The following CAMK2G variants were observed in gnomAD, a reference collection of about 807,000 sequenced individuals.
CAMK2G encodes calcium/calmodulin-dependent protein kinase type II subunit gamma.
CAMK2G carries 23 observed loss-of-function variants against 88.7 expected under a neutral mutation model. The observed-to-expected ratio is 0.26, with a 90% CI of 0.19 to 0.37. CAMK2G has a LOEUF of 0.37. CAMK2G is among the 10% of genes least tolerant of loss of function. The pLI is 1.00. For synonymous variants in CAMK2G, 263 were observed against 294.8 expected (o/e 0.89, Z 1.11); for missense variants, 476 against 780.8 (o/e 0.61, Z 4.65).
intron 2 of CAMK2G, among the ~76,000 whole-genome samples, chr10:73,871,929 A>T (rs1295140259): frequency 4.6e-5 from 7 of 152,184 alleles, no homozygotes; most frequent in African/African-American, 1.7e-4. Context: ...TATGTCTCTT[A>T]TCCCAGAGAA....
At position 73,858,649 on chromosome 10, in the gene CAMK2G, A is replaced by C. The variant is rs145689861; in HGVS notation, c.220+2181T>G. Among the ~76,000 whole-genome samples, 85 of 152,316 alleles carry C rather than the reference A, an allele frequency of 5.6e-4. 1 individual carries two copies. Among genetic ancestry groups the C allele is most frequent in the Non-Finnish European group, 8.2e-4 (56 of 68,026 alleles). ...TAGGAAATCAGAGGCCAAAAGAGTG[A>C]CTGTGCCCCACCTGGCCTCTGAGCA... On this transcript the variant is annotated intron_variant, in intron 3 of 22. Coordinates refer to ENST00000423381, the MANE Select transcript of CAMK2G (RefSeq NM_001367534.1).
Position 73,819,645 on chromosome 10 carries a change from G to A in CAMK2G, c.1250C>T (p.Ala417Val). ...NTTTEDEDLKAAPLRTGNGSS... is the reference protein window; with the variant it reads ...NTTTEDEDLKVAPLRTGNGSS... Reference sequence around the variant, plus strand: ...GCCATTCCCAGTGCGGAGCGGGGCAGCTAGCCAGCCAGGGCAGGGCAGGGC... The same window carrying A: ...GCCATTCCCAGTGCGGAGCGGGGCAACTAGCCAGCCAGGGCAGGGCAGGGC... The change falls in exon 19 of 23, where the codon GCT becomes GTT. Residue 417 changes from alanine (A) to valine (V), a missense_variant and splice_region_variant. Transcript: ENST00000423381. 6.5e-7 allele frequency: 1 copy of A among 1,536,438 alleles called. No homozygotes were observed.
At chr10:73,844,157 A>G (rs528203811) in intron 10 of CAMK2G, among the ~76,000 whole-genome samples, 80 of 152,204 alleles carry the variant, frequency 5.3e-4, no homozygotes, top group Non-Finnish European at 1.0e-3. Flanking sequence ...CAGTAGCACA[A>G]TAATGGCTTA....
rs2093902357 is a variant in CAMK2G, at chr10:73,842,741, C to T, written c.820-200G>A. On this transcript the variant is annotated intron_variant, in intron 10 of 22. Transcript: ENST00000423381. The surrounding 1 kb of genome is among the most constrained non-coding windows in gnomAD (Gnocchi z 4.6). The stretch of plus-strand genomic sequence containing the variant: ...GAAACTCAAGGTTACATAAGGACAA[C>T]ATGAACGTGAGAACACCATAACGGA... Among the ~76,000 whole-genome samples the T allele has an allele frequency of 6.6e-6, 1 of 152,196 alleles. No individual in the cohort carries two copies. The highest frequency in any genetic ancestry group is 6.5e-5 in the Admixed American group (1 of 15,278).
At chr10:73,829,700 G>GGTGTGTGTGTGTGTGTGTGTGTGT (rs60725888) in intron 14 of CAMK2G, among the ~76,000 whole-genome samples, 94 of 138,374 alleles carry the variant, frequency 6.8e-4, no homozygotes, top group African/African-American at 2.2e-3. Flanking sequence ...TAAGTAGTGG[G>GGTGTGTGTGTGTGTGTGTGTGTGT]GTGTGTGTGT....
At chr10:73,853,386 C>T (rs751985431) in intron 3 of CAMK2G, 140 bp from the exon 4 acceptor site, 102 of 722,392 alleles carry the variant, frequency 1.4e-4, no homozygotes, top group Non-Finnish European at 2.2e-4. Flanking sequence ...GAAGTGGCGA[C>T]GTGCCCAGTG....
rs540766592 is a variant in CAMK2G, at chr10:73,813,521, G to A, written c.*997C>T. On this transcript the variant is annotated 3_prime_UTR_variant, in exon 23 of 23. Transcript: ENST00000423381. ...ACAGGGGCACTTGGCAGAGGGCCCA[G>A]GCCCAGATGAGGGTCAGCATGGGGA... 2 of 152,894 alleles carry A rather than the reference G, an allele frequency of 1.3e-5. No homozygotes were observed. Among genetic ancestry groups the A allele is most frequent in the South Asian group, 4.1e-4 (2 of 4,834 alleles). The allele number at this position is 152,894 out of a possible 1,614,324, so 9.5% of individuals were successfully genotyped here.
intron 14 of CAMK2G, among the ~76,000 whole-genome samples, chr10:73,829,716 T>TGTGC (rs1163086755): frequency 5.3e-5 from 8 of 151,646 alleles, no homozygotes; most frequent in African/African-American, 1.9e-4. Flanking sequence ...TGTGTGTGTG[T>TGTGC]GTGTGTGTGT....
chr10:73,842,194 G>C lies in CAMK2G; in HGVS notation c.921C>G (p.Thr307=), dbSNP rs773767451. The change falls in exon 12 of 23, where the codon ACC becomes ACG. Residue 307 remains threonine (T), a synonymous_variant. Transcript: ENST00000423381. This position sits in a 1 kb window ranked among gnomAD's most constrained non-coding sequence, Gnocchi z 4.6. ...RRKLKGAILT[T]MLVSRNFSVG... ...CTGAGAAGTTCCTGGAGACAAGCAT[G>C]GTCGTGAGGATGGCACCCTGGGGAA... 2 of 1,612,794 alleles carry C rather than the reference G, an allele frequency of 1.2e-6. No homozygotes were observed. Among genetic ancestry groups the C allele is most frequent in the East Asian group, 2.2e-5 (1 of 44,880 alleles).
intron 15 of CAMK2G, among the ~76,000 whole-genome samples, chr10:73,826,612 A>G (rs1360262788): frequency 1.7e-4 from 26 of 152,194 alleles, no homozygotes; most frequent in Admixed American, 1.6e-3. Flanking sequence ...ACTGAGTTCC[A>G]GTGGGGTTGG....
At chr10:73,835,742 T>C (rs2093124086) in intron 14 of CAMK2G, among the ~76,000 whole-genome samples, 1 of 152,208 alleles carries the variant, frequency 6.6e-6, no homozygotes, top group Admixed American at 6.5e-5. Flanking sequence ...CACCCTGTGT[T>C]CTCACTGGGC....
Position 73,825,263 on chromosome 10 carries a change from T to G in CAMK2G, c.1155+16A>C. 2 of 1,595,484 alleles carry G rather than the reference T, an allele frequency of 1.3e-6. No homozygotes were observed. The highest frequency in any genetic ancestry group is 1.7e-6 in the Non-Finnish European group (2 of 1,163,014). ...CAGCCAGGGTCAGAGGCGGAGAAGC[T>G]GTAGTCAGGAGGTACCATGGCCGTC... On this transcript the variant is annotated intron_variant, in intron 16 of 22. Coordinates refer to ENST00000423381, the MANE Select transcript of CAMK2G (RefSeq NM_001367534.1).
intron 6 of CAMK2G, 72 bp from the exon 7 acceptor site, chr10:73,849,187 G>A (rs16930949): frequency 0.01 from 15,672 of 1,560,558 alleles, 156 homozygotes; most frequent in East Asian, 0.049. Context: ...TTGGGCCTAC[G>A]CAGTACCACT....
At chr10:73,815,762 TA>T in intron 21 of CAMK2G, 1 of 974,832 alleles carries the variant, frequency 1.0e-6, no homozygotes, top group Non-Finnish European at 1.2e-6. Flanking sequence ...TAATTTTTTT[TA>T]AGGCACCAAA....
chr10:73,847,049 C>G (rs2094299588), intron 10 of CAMK2G, 176 bp downstream of exon 10: 3 of 609,038 alleles, frequency 4.9e-6, no homozygotes, highest in Non-Finnish European at 5.7e-6. Flanking sequence ...CATCAGCCTC[C>G]CGAGTCTCCC....
At chr10:73,845,305 G>A (rs1177256961) in intron 10 of CAMK2G, among the ~76,000 whole-genome samples, 2 of 152,090 alleles carry the variant, frequency 1.3e-5, no homozygotes, top group South Asian at 2.1e-4. Flanking sequence ...CATCTTGGCC[G>A]GGCGCAGTGG....
intron 15 of CAMK2G, 126 bp downstream of exon 15, chr10:73,827,963 G>T: frequency 1.2e-6 from 1 of 836,252 alleles, no homozygotes; most frequent in Non-Finnish European, 2.1e-6. Flanking sequence ...GGCCACACCT[G>T]CCCACACAGC....
intron 3 of CAMK2G, among the ~76,000 whole-genome samples, chr10:73,859,041 T>G (rs570085834): frequency 6.6e-6 from 1 of 152,332 alleles, no homozygotes; most frequent in Admixed American, 6.5e-5. Context: ...GCTGTACCAG[T>G]TGGTCACAAG....
chr10:73,824,136 C>T, intron 16 of CAMK2G, 52 bp from the exon 17 acceptor site: 1 of 1,459,964 alleles, frequency 6.8e-7, no homozygotes, highest in South Asian at 1.1e-5. Flanking sequence ...GACTATGGCT[C>T]TTCCCTGAGG....
Sources: allele counts gnomAD v4.1 joint callset (sites outside exome capture counted in the v4.1 genomes callset), GRCh38; gene constraint gnomAD v4.1.1; non-coding constraint Gnocchi (gnomAD v3.1); transcripts MANE v1.5; gene names NCBI Gene and HGNC (gene_info 2026-07-23, HGNC 2026-07-21).